Variants in ANO5 observed in about 807,000 individuals in gnomAD.
ANO5 encodes anoctamin-5.
Under a neutral mutation model 121.0 loss-of-function variants are expected in ANO5, and 109 were observed. That is an observed-to-expected ratio of 0.90 (90% confidence interval 0.77 to 1.06). The LOEUF (loss-of-function observed/expected upper bound fraction) is 1.06. Among genes scored for constraint, ANO5 ranks in the 50% least tolerant of loss-of-function variants. The pLI, the probability that ANO5 is intolerant of heterozygous loss-of-function variation, is 0.00. For missense variants in ANO5, 1,064 were observed against 1,078.5 expected (o/e 0.99, Z 0.19); for synonymous variants, 406 against 359.9 (o/e 1.13, Z -1.45).
chr11:22,206,790 C>T (rs72979926), intron 2 of ANO5, among the ~76,000 whole-genome samples: 4,511 of 152,154 alleles, frequency 0.03, 93 homozygotes, highest in Non-Finnish European at 0.048. Context: ...TAAGGAGCAT[C>T]CACACAACAC....
chr11:22,266,169 A>G lies in ANO5; in HGVS notation c.1898+3126A>G, dbSNP rs1448090740. The stretch of plus-strand genomic sequence containing the variant: ...GGAAGTGATTATTATAAAATTTAAG[A>G]TAATGGTTATGGATGTGGGGATTGA... On this transcript the variant is annotated intron_variant, in intron 17 of 21. Transcript: ENST00000324559. Among the ~76,000 whole-genome samples the G allele has an allele frequency of 3.9e-5, 6 of 152,302 alleles. No individual in the cohort carries two copies. In the East Asian group the frequency reaches 1.2e-3, roughly 29 times the overall value.
At chr11:22,213,482 A>C (rs1236712367) in intron 3 of ANO5, among the ~76,000 whole-genome samples, 2 of 151,710 alleles carry the variant, frequency 1.3e-5, no homozygotes, top group East Asian at 1.9e-4. Flanking sequence ...ATGTTTTTGG[A>C]GGAAGATAAT....
chr11:22,204,026 C>G (rs924788962), intron 2 of ANO5, among the ~76,000 whole-genome samples, 176 bp downstream of exon 2: 1 of 151,954 alleles, frequency 6.6e-6, no homozygotes, highest in African/African-American at 2.4e-5. Flanking sequence ...AATATTGGAT[C>G]TTTTCTAGAT....
chr11:22,197,927 T>A (rs977431180), intron 1 of ANO5, among the ~76,000 whole-genome samples: 1 of 152,200 alleles, frequency 6.6e-6, no homozygotes, highest in Non-Finnish European at 1.5e-5. Context: ...ATCCTGCCTC[T>A]TCAGTCAGGC....
At chr11:22,209,481 G>C (rs1180228179) in intron 2 of ANO5, among the ~76,000 whole-genome samples, 1 of 151,792 alleles carries the variant, frequency 6.6e-6, no homozygotes, top group Non-Finnish European at 1.5e-5. Context: ...TGAAGAAAAA[G>C]GTTATGAGGC....
upstream of ANO5, among the ~76,000 whole-genome samples, chr11:22,192,668 C>T (rs1444015710): frequency 6.6e-6 from 1 of 152,222 alleles, no homozygotes; most frequent in Admixed American, 6.5e-5. Flanking sequence ...CCCGGCCAAC[C>T]GGCTGAGGGA....
intron 1 of ANO5, among the ~76,000 whole-genome samples, chr11:22,202,989 G>T (rs1852007946): frequency 2.6e-5 from 4 of 152,076 alleles, no homozygotes; most frequent in African/African-American, 9.7e-5. Flanking sequence ...GTGTAGGAGA[G>T]ACATTAGTCA....
At chr11:22,221,711 T>C (rs921712565) in intron 5 of ANO5, among the ~76,000 whole-genome samples, 22 of 151,974 alleles carry the variant, frequency 1.4e-4, no homozygotes, top group Non-Finnish European at 3.1e-4. Context: ...CCAAGCACTT[T>C]GTCTTGTTCA....
chr11:22,252,029 C>CAAAAAAAAAAAA (rs10525160), intron 12 of ANO5, among the ~76,000 whole-genome samples: 11 of 45,856 alleles, frequency 2.4e-4, no homozygotes, highest in African/African-American at 7.4e-4. Context: ...GACGCCGTCT[C>CAAAAAAAAAAAA]AAAAAAAAAA....
At chr11:22,208,628 A>T (rs576465679) in intron 2 of ANO5, among the ~76,000 whole-genome samples, 2 of 152,100 alleles carry the variant, frequency 1.3e-5, no homozygotes, top group African/African-American at 4.8e-5. Flanking sequence ...CCAATTGTAC[A>T]CACGTGACAA....
chr11:22,250,630 C>A, intron 10 of ANO5, 111 bp from the exon 11 acceptor site: 2 of 1,161,668 alleles, frequency 1.7e-6, no homozygotes, highest in South Asian at 1.3e-5. Flanking sequence ...TGCTTGATTG[C>A]CCCTTCTGTT....
In ANO5 at chr11:22,231,351, T is replaced by A. The variant is rs1853034979; in HGVS notation, c.648+3765T>A. Among the ~76,000 whole-genome samples the A allele has an allele frequency of 2.0e-5, 3 of 151,932 alleles. No homozygotes were observed. In the South Asian group the frequency reaches 6.2e-4, roughly 31 times the overall value. ...TGGTCATTTACCTTATTAAATTTTT[T>A]AATTGTACGACTGAAGCACAGTTTC... On this transcript the variant is annotated intron_variant, in intron 7 of 21. Coordinates refer to ENST00000324559, the MANE Select transcript of ANO5 (RefSeq NM_213599.3).
intron 9 of ANO5, among the ~76,000 whole-genome samples, chr11:22,241,472 T>C (rs561773685): frequency 6.6e-6 from 1 of 152,184 alleles, no homozygotes; most frequent in Non-Finnish European, 1.5e-5. Flanking sequence ...AGCTCCAAAC[T>C]GTTTTCCACA....
intron 1 of ANO5, 65 bp from the exon 2 acceptor site, chr11:22,203,739 G>T: frequency 9.8e-7 from 1 of 1,017,372 alleles, no homozygotes; most frequent in Non-Finnish European, 1.5e-6. Context: ...TCCTTACACA[G>T]ACTTTTGAAT....
chr11:22,239,036 G>T (rs1853332779), intron 8 of ANO5, among the ~76,000 whole-genome samples: 1 of 152,118 alleles, frequency 6.6e-6, no homozygotes, highest in East Asian at 1.9e-4. Context: ...AATGGGAAAA[G>T]AACTTATGCA....
intron 3 of ANO5, among the ~76,000 whole-genome samples, chr11:22,212,820 G>GT (rs1208909400): frequency 1.2e-3 from 163 of 137,552 alleles, no homozygotes; most frequent in East Asian, 5.0e-3. Context: ...GTCAGGTTTT[G>GT]TTTTTTTTTT....
At chr11:22,269,929 C>T (rs1854546961) in intron 17 of ANO5, among the ~76,000 whole-genome samples, 1 of 151,948 alleles carries the variant, frequency 6.6e-6, no homozygotes, top group Non-Finnish European at 1.5e-5. Flanking sequence ...TAAGTCATTT[C>T]CTATTATAGT....
chr11:22,224,019 C>T (rs1221123443), intron 5 of ANO5, among the ~76,000 whole-genome samples: 1 of 151,968 alleles, frequency 6.6e-6, no homozygotes, highest in Admixed American at 6.6e-5. Flanking sequence ...ATATTTAACA[C>T]AGTTGATCCT....
intron 9 of ANO5, among the ~76,000 whole-genome samples, chr11:22,242,299 T>C (rs1235652882): frequency 6.6e-6 from 1 of 152,176 alleles, no homozygotes; most frequent in Non-Finnish European, 1.5e-5. Context: ...TAGCATAGTT[T>C]GAAGCCAGGT....
Sources: gnomAD v4.1 joint callset for allele counts (sites outside exome capture counted in the v4.1 genomes callset) on GRCh38, gnomAD v4.1.1 for gene constraint, MANE v1.5 for transcripts, NCBI Gene and HGNC (gene_info 2026-07-23, HGNC 2026-07-21) for gene names.